PARN: variants seen among roughly 807,000 people sequenced by gnomAD.
The protein encoded by PARN is poly(A)-specific ribonuclease PARN.
PARN carries 71 observed loss-of-function variants against 102.8 expected under a neutral mutation model. The ratio of observed to expected loss-of-function variants is 0.69; its 90% CI spans 0.57 to 0.84. The LOEUF is 0.84. PARN is among the 40% of genes least tolerant of loss of function. PARN has a pLI of 0.00. For synonymous variants in PARN, 261 were observed against 252.9 expected, an observed-to-expected ratio of 1.03 and a Z score of -0.30; for missense variants, 782 against 760.9, an observed-to-expected ratio of 1.03 and a Z score of -0.33.
At chr16:14,549,253 G>A (rs1967149385) in intron 21 of PARN, among the ~76,000 whole-genome samples, 1 of 152,180 alleles carries the variant, frequency 6.6e-6, no homozygotes, top group Non-Finnish European at 1.5e-5. Flanking sequence ...TATATCAAGA[G>A]AACAGTGATC....
intron 21 of PARN, among the ~76,000 whole-genome samples, chr16:14,514,914 G>A (rs752132939): frequency 6.6e-6 from 1 of 152,288 alleles, no homozygotes; most frequent in East Asian, 1.9e-4. Context: ...GGGAAGCTAC[G>A]TTAAATCAAG....
At chr16:14,518,149 AT>A (rs1880760249) in intron 21 of PARN, among the ~76,000 whole-genome samples, 1 of 151,978 alleles carries the variant, frequency 6.6e-6, no homozygotes, top group Non-Finnish European at 1.5e-5. Context: ...AATAATAAAA[AT>A]AATACAAATT....
At chr16:14,617,538 A>G (rs920536098) in intron 6 of PARN, 52 bp downstream of exon 6, 13 of 900,672 alleles carry the variant, frequency 1.4e-5, no homozygotes, top group Non-Finnish European at 2.1e-5. Flanking sequence ...TTACTTCCCA[A>G]GGATATTTTG....
At chr16:14,590,298 T>C (rs1970112938) in intron 13 of PARN, among the ~76,000 whole-genome samples, 1 of 115,336 alleles carries the variant, frequency 8.7e-6, no homozygotes, top group Non-Finnish European at 1.8e-5. Flanking sequence ...AACAGAAGTG[T>C]GGTGAGTGAC....
Position 14,582,164 on chromosome 16 carries a change from A to C in PARN, c.1192+17T>G, listed in dbSNP as rs1430646783. 1 of 1,480,762 alleles carries C rather than the reference A, an allele frequency of 6.8e-7. No individual in the cohort carries two copies. The highest frequency in any genetic ancestry group is 9.5e-7 in the Non-Finnish European group (1 of 1,058,114). The allele number at this position is 1,480,762 out of a possible 1,614,324, so 91.7% of individuals were successfully genotyped here. A position where few individuals can be genotyped will look rare whatever the true frequency, so the allele number is the denominator to read the frequency against. On this transcript the variant is annotated intron_variant, in intron 17 of 23. Coordinates refer to ENST00000437198, the MANE Select transcript of PARN (RefSeq NM_002582.4). ...CTAGATCACTGCGTGTTTGACTGAA[A>C]GACATGTAATGCGTACCTAGGTAAT...
At chr16:14,465,914 A>G (rs934365272) in intron 22 of PARN, among the ~76,000 whole-genome samples, 2 of 152,304 alleles carry the variant, frequency 1.3e-5, no homozygotes, top group Admixed American at 1.3e-4. Context: ...AAAATCAAAT[A>G]CTGCATGTTC....
chr16:14,496,433 A>T (rs1159039637), intron 21 of PARN, among the ~76,000 whole-genome samples: 1 of 152,214 alleles, frequency 6.6e-6, no homozygotes, highest in Non-Finnish European at 1.5e-5. Flanking sequence ...TTAAAGAAAA[A>T]AAAAGAAGAA....
intron 23 of PARN, among the ~76,000 whole-genome samples, chr16:14,443,301 GA>G (rs1191808785): frequency 2.0e-5 from 3 of 149,470 alleles, no homozygotes; most frequent in Non-Finnish European, 4.4e-5. Context: ...TGGGTAAAGA[GA>G]AAAAATTAAA....
At chr16:14,526,411 TC>T (rs1416640784) in intron 21 of PARN, among the ~76,000 whole-genome samples, 1 of 148,682 alleles carries the variant, frequency 6.7e-6, no homozygotes, top group African/African-American at 2.5e-5. Flanking sequence ...CCTCCTGACC[TC>T]GTGATCCACC....
chr16:14,481,856 C>T (rs1963401319), intron 22 of PARN, among the ~76,000 whole-genome samples: 1 of 152,098 alleles, frequency 6.6e-6, no homozygotes, highest in Non-Finnish European at 1.5e-5. Context: ...CCAAATGTTG[C>T]CAGCATTTAT....
intron 18 of PARN, among the ~76,000 whole-genome samples, chr16:14,564,846 CG>C (rs1207890109): frequency 5.9e-5 from 9 of 152,048 alleles, no homozygotes; most frequent in African/African-American, 2.2e-4. Context: ...ACTACACTTC[CG>C]ATTTCTCAAA....
In PARN at chr16:14,610,637, AACTTACACC is replaced by A; in HGVS notation, c.552_554+6del. ...AATGCACGCTTAGTTTTAATTTAGGAACTTACACCACTTGGTCAATAAACTTCTTTTGAT... is the reference window on the plus strand; with the variant it reads ...AATGCACGCTTAGTTTTAATTTAGGAACTTGGTCAATAAACTTCTTTTGAT... On this transcript the variant is annotated splice_donor_variant and splice_donor_5th_base_variant and coding_sequence_variant and intron_variant, in exon 7 of 24. Coordinates refer to ENST00000437198, the MANE Select transcript of PARN (RefSeq NM_002582.4). LOFTEE classifies it high-confidence loss of function. The A allele has an allele frequency of 6.3e-7, 1 of 1,581,842 alleles. No homozygotes were observed. Among genetic ancestry groups the A allele is most frequent in the Non-Finnish European group, 8.7e-7 (1 of 1,150,834 alleles).
chr16:14,563,610 C>T (rs1486644160), intron 18 of PARN, among the ~76,000 whole-genome samples: 3 of 151,328 alleles, frequency 2.0e-5, no homozygotes, highest in African/African-American at 7.3e-5. Flanking sequence ...TCTATGTTGC[C>T]CAAGCAAGAC....
intron 21 of PARN, among the ~76,000 whole-genome samples, chr16:14,537,772 G>A (rs920962361): frequency 3.9e-5 from 6 of 152,088 alleles, no homozygotes; most frequent in Admixed American, 6.5e-5. Flanking sequence ...TTAAAGGCGC[G>A]GAAGGGTAGA....
intron 17 of PARN, 79 bp downstream of exon 17, chr16:14,582,102 T>TACTGTCTAATAATAATTAG: frequency 1.2e-6 from 1 of 867,340 alleles, no homozygotes; most frequent in Admixed American, 1.8e-5. Context: ...AGTAATTTAT[T>TACTGTCTAATAATAATTAG]ACAGCAGCCT....
Position 14,630,175 on chromosome 16 carries a change from A to T in PARN, c.-50T>A. On this transcript the variant is annotated 5_prime_UTR_variant, in exon 1 of 24. Coordinates refer to ENST00000437198, the MANE Select transcript of PARN (RefSeq NM_002582.4). ...CCCCACCCGGGCCCGCGCCCGCCTC[A>T]GCGGTTCTACTCGCCGAATTCCGCG... The T allele has an allele frequency of 6.5e-7, 1 of 1,528,112 alleles. No individual in the cohort carries two copies. The highest frequency in any genetic ancestry group is 8.9e-7 in the Non-Finnish European group (1 of 1,127,868). The allele number at this position is 1,528,112 out of a possible 1,614,324, so 94.7% of individuals were successfully genotyped here. A position where few individuals can be genotyped will look rare whatever the true frequency, so the allele number is the denominator to read the frequency against.
intron 22 of PARN, among the ~76,000 whole-genome samples, chr16:14,451,842 CTAAAAAAAAAAAAAAAAAAAAAAATACAA>C (rs1961460803): frequency 2.2e-5 from 1 of 46,266 alleles, no homozygotes; most frequent in East Asian, 5.3e-4. Flanking sequence ...AACCCCGTCT[CTAAAAAAAAAAAAAAAAAAAAAAATACAA>C]AAAAAAAAAA....
At chr16:14,502,838 G>A (rs1049461623) in intron 21 of PARN, among the ~76,000 whole-genome samples, 3 of 152,114 alleles carry the variant, frequency 2.0e-5, no homozygotes, top group Non-Finnish European at 2.9e-5. Context: ...CTCTGCTTCC[G>A]AACAGCCCTG....
At chr16:14,506,050 G>T (rs1393114855) in intron 21 of PARN, among the ~76,000 whole-genome samples, 1 of 152,172 alleles carries the variant, frequency 6.6e-6, no homozygotes, top group Non-Finnish European at 1.5e-5. Context: ...TCAGCAATAA[G>T]GGAACAAACT....
Sources: allele counts gnomAD v4.1 joint callset (sites outside exome capture counted in the v4.1 genomes callset), GRCh38; gene constraint gnomAD v4.1.1; transcripts MANE v1.5; gene names NCBI Gene and HGNC (gene_info 2026-07-23, HGNC 2026-07-21).